Variants in SBF2 observed in about 807,000 individuals in gnomAD.
SBF2 encodes the protein SET binding factor 2.
Under a neutral mutation model 225.2 loss-of-function variants are expected in SBF2, and 112 were observed. The ratio of observed to expected loss-of-function variants is 0.50; its 90% CI spans 0.43 to 0.58. The LOEUF is 0.58. Ranked by LOEUF, SBF2 falls within the 20% of genes least tolerant of loss-of-function variation. The probability of loss-of-function intolerance (pLI) is 0.00; values close to 1 mark genes in which losing one functional copy is unlikely to be tolerated. For synonymous variants in SBF2, 763 were observed against 773.3 expected (o/e 0.99, Z 0.22); for missense variants, 1,996 against 2,206.2 (o/e 0.90, Z 1.91).
intron 13 of SBF2, 97 bp downstream of exon 13, chr11:9,989,396 GCTCA>G (rs1316190464): frequency 1.4e-6 from 1 of 699,242 alleles, no homozygotes; most frequent in Non-Finnish European, 2.4e-6. Flanking sequence ...ACACTAAAGA[GCTCA>G]CTCACGTAAC....
intron 2 of SBF2, among the ~76,000 whole-genome samples, chr11:10,094,972 GAAAAAA>G (rs1192971549): frequency 6.7e-6 from 1 of 149,710 alleles, no homozygotes; most frequent in Non-Finnish European, 1.5e-5. Context: ...GGCCAGCTGA[GAAAAAA>G]AAGAAAAAAG....
chr11:9,858,226 C>T lies in SBF2; in HGVS notation c.2100G>A (p.Lys700=). 6.2e-7 allele frequency: 1 copy of T among 1,614,032 alleles called. No homozygotes were observed. The highest frequency in any genetic ancestry group is 8.5e-7 in the Non-Finnish European group (1 of 1,179,964). The change falls in exon 18 of 40, where the codon AAG becomes AAA. Residue 700 remains lysine (K), a splice_region_variant and synonymous_variant. Coordinates refer to ENST00000256190, the MANE Select transcript of SBF2 (RefSeq NM_030962.4). ...EDNHAPHLKQ[K]DKLPDDHYQE... Reference sequence around the variant, plus strand: ...TTAGAGTTCTTTTCTTCTCTCTTACCTTTTGCTTCAGATGCGGGGCATGAT... The same window carrying T: ...TTAGAGTTCTTTTCTTCTCTCTTACTTTTTGCTTCAGATGCGGGGCATGAT...
intron 26 of SBF2, among the ~76,000 whole-genome samples, chr11:9,833,517 T>C (rs1045222055): frequency 6.7e-6 from 1 of 148,400 alleles, no homozygotes; most frequent in African/African-American, 2.5e-5. Context: ...GCCTCCCGGG[T>C]TCACGCCATT....
At chr11:10,074,810 T>G (rs1951031969) in intron 2 of SBF2, among the ~76,000 whole-genome samples, 1 of 152,200 alleles carries the variant, frequency 6.6e-6, no homozygotes, top group Admixed American at 6.5e-5. Flanking sequence ...GATTTCTTGC[T>G]TATAGCCAGG....
chr11:9,937,963 T>C (rs61876948), intron 16 of SBF2, among the ~76,000 whole-genome samples: 19,408 of 151,938 alleles, frequency 0.13, 1,310 homozygotes, highest in Non-Finnish European at 0.14. Flanking sequence ...AATTGAAAAC[T>C]GGATGTTATT....
At chr11:10,174,386 C>T (rs546926293) in intron 2 of SBF2, among the ~76,000 whole-genome samples, 136 of 152,116 alleles carry the variant, frequency 8.9e-4, no homozygotes, top group African/African-American at 3.1e-3. Flanking sequence ...GGAGCTGACG[C>T]GATCAACTGG....
At chr11:9,996,292 C>T (rs1003572618) in intron 9 of SBF2, among the ~76,000 whole-genome samples, 1 of 152,218 alleles carries the variant, frequency 6.6e-6, no homozygotes, top group Admixed American at 6.5e-5. Flanking sequence ...CATTCAAATA[C>T]TACCTTCTCA....
chr11:10,014,660 T>G (rs1948586590), intron 6 of SBF2, among the ~76,000 whole-genome samples: 1 of 152,196 alleles, frequency 6.6e-6, no homozygotes, highest in Admixed American at 6.5e-5. Flanking sequence ...GTTACATTAT[T>G]TGAATGACAG....
At chr11:9,789,843 G>C (rs1191022689) in intron 34 of SBF2, among the ~76,000 whole-genome samples, 2 of 152,238 alleles carry the variant, frequency 1.3e-5, no homozygotes, top group Non-Finnish European at 2.9e-5. Context: ...AAGTAGCCTG[G>C]TGAGCAGCCT....
chr11:9,828,864 T>C (rs981545261), intron 28 of SBF2, among the ~76,000 whole-genome samples: 1 of 152,194 alleles, frequency 6.6e-6, no homozygotes, highest in Admixed American at 6.5e-5. Flanking sequence ...TTTATTTATA[T>C]TTCCCACTTC....
At chr11:9,896,810 G>T (rs923081020) in intron 16 of SBF2, among the ~76,000 whole-genome samples, 1 of 151,474 alleles carries the variant, frequency 6.6e-6, no homozygotes. Context: ...AAGGGGGGTG[G>T]GGCGGGGAGG....
chr11:10,154,794 C>G (rs1460018271), intron 2 of SBF2, among the ~76,000 whole-genome samples: 1 of 152,102 alleles, frequency 6.6e-6, no homozygotes, highest in African/African-American at 2.4e-5. Flanking sequence ...AGCCTAATGG[C>G]CTTAGAAATA....
intron 33 of SBF2, among the ~76,000 whole-genome samples, chr11:9,793,896 G>A (rs1384124573): frequency 6.6e-6 from 1 of 152,158 alleles, no homozygotes; most frequent in African/African-American, 2.4e-5. Flanking sequence ...GAGAAGCCTT[G>A]GTCTTTGGCC....
intron 2 of SBF2, among the ~76,000 whole-genome samples, chr11:10,127,045 TGA>T (rs947997275): frequency 3.3e-5 from 5 of 151,926 alleles, no homozygotes; most frequent in African/African-American, 1.2e-4. Context: ...AAAGGGAAAT[TGA>T]GAGTTTTTTA....
At chr11:10,220,040 T>C (rs1057024017) in intron 1 of SBF2, among the ~76,000 whole-genome samples, 2 of 152,186 alleles carry the variant, frequency 1.3e-5, no homozygotes, top group Non-Finnish European at 2.9e-5. Flanking sequence ...TGTTTTAATC[T>C]GTTCTGATGC....
At chr11:9,993,474 T>C (rs1198710270) in intron 10 of SBF2, among the ~76,000 whole-genome samples, 1 of 152,260 alleles carries the variant, frequency 6.6e-6, no homozygotes, top group Non-Finnish European at 1.5e-5. Flanking sequence ...GCCTCTGTTA[T>C]ATACGTAACC....
chr11:10,159,828 T>C (rs1406550676), intron 2 of SBF2, among the ~76,000 whole-genome samples: 1 of 151,696 alleles, frequency 6.6e-6, no homozygotes, highest in Admixed American at 6.6e-5. Context: ...AGGCAGAGCT[T>C]ACAGTGAGCT....
intron 3 of SBF2, among the ~76,000 whole-genome samples, chr11:10,036,322 T>G (rs1949436995): frequency 6.6e-6 from 1 of 152,024 alleles, no homozygotes; most frequent in East Asian, 1.9e-4. Flanking sequence ...GATGACAGGT[T>G]GATGGGTGCA....
intron 1 of SBF2, among the ~76,000 whole-genome samples, chr11:10,202,029 T>G (rs1189749658): frequency 6.6e-6 from 1 of 152,158 alleles, no homozygotes; most frequent in African/African-American, 2.4e-5. Flanking sequence ...AATGTCAAGA[T>G]TAAGAAAAAC....
Sources: allele counts gnomAD v4.1 joint callset (sites outside exome capture counted in the v4.1 genomes callset), GRCh38; gene constraint gnomAD v4.1.1; transcripts MANE v1.5; gene names NCBI Gene and HGNC (gene_info 2026-07-23, HGNC 2026-07-21).